The following GPLD1 variants were observed in gnomAD, a reference collection of about 807,000 sequenced individuals.
The protein encoded by GPLD1 is glycosylphosphatidylinositol specific phospholipase D1.
A neutral mutation model predicts 112.6 loss-of-function variants in GPLD1; 84 were observed. That is an observed-to-expected ratio of 0.75 (90% CI 0.63 to 0.89). The LOEUF (loss-of-function observed/expected upper bound fraction) is 0.89. GPLD1 is among the 40% of genes least tolerant of loss of function. The pLI, the probability that GPLD1 is intolerant of heterozygous loss-of-function variation, is 0.00. For synonymous variants in GPLD1, 386 were observed against 403.8 expected (o/e 0.96, Z 0.53); for missense variants, 1,044 against 1,051.5 (o/e 0.99, Z 0.10).
chr6:24,466,567 G>C, intron 10 of GPLD1, 113 bp downstream of exon 10: 1 of 756,770 alleles, frequency 1.3e-6, no homozygotes. Flanking sequence ...AGCACTTCAT[G>C]AGATTGTTTT....
Position 24,436,623 on chromosome 6 carries a change from T to C in GPLD1, c.2311A>G (p.Met771Val), listed in dbSNP as rs376681886. 42 of 1,614,030 alleles carry C rather than the reference T, an allele frequency of 2.6e-5. No individual in the cohort carries two copies. Among genetic ancestry groups the C allele is most frequent in the South Asian group, 1.3e-4 (12 of 91,090 alleles). Reference protein sequence around the residue: ...YNGKETTLGDMTGKCKSWITP... With the variant: ...YNGKETTLGDVTGKCKSWITP... ...ATCCATGATTTGCATTTGCCAGTCA[T>C]GTCACCAAGGGTGGTCTCTTTGCCA... is the stretch of plus-strand genomic sequence containing the variant. The change falls in exon 22 of 25, where the codon ATG becomes GTG. Residue 771 changes from methionine to valine, a missense_variant. Transcript: ENST00000230036.
intron 22 of GPLD1, among the ~76,000 whole-genome samples, chr6:24,435,367 A>G (rs1306812733): frequency 6.6e-6 from 1 of 152,202 alleles, no homozygotes; most frequent in Non-Finnish European, 1.5e-5. Context: ...TATGCATACT[A>G]AATGCACAAT....
At chr6:24,475,718 C>T (rs1316084195) in intron 4 of GPLD1, among the ~76,000 whole-genome samples, 1 of 147,818 alleles carries the variant, frequency 6.8e-6, no homozygotes, top group Non-Finnish European at 1.5e-5. Flanking sequence ...ATTAGCCGGG[C>T]GTGGTGGCGG....
chr6:24,440,899 T>C (rs1254275111), intron 20 of GPLD1, among the ~76,000 whole-genome samples: 1 of 152,178 alleles, frequency 6.6e-6, no homozygotes, highest in Non-Finnish European at 1.5e-5. Flanking sequence ...AGGCTATTTC[T>C]AGCTTTTTAC....
chr6:24,485,961 G>A (rs943994542), intron 2 of GPLD1, 114 bp downstream of exon 2: 11 of 673,994 alleles, frequency 1.6e-5, no homozygotes, highest in Admixed American at 4.7e-5. Flanking sequence ...GAGCCACCAC[G>A]CCCAGCCAAA....
At position 24,427,787 on chromosome 6, in the gene GPLD1, A is replaced by G. The variant is rs1284189934; in HGVS notation, c.*1245T>C. ...CTTGAACCTGGGAGGCGGAGGTTGC[A>G]GTGAGCTGAGATCACATCACTGCAC... On this transcript the variant is annotated 3_prime_UTR_variant, in exon 25 of 25. Transcript: ENST00000230036. Among the ~76,000 whole-genome samples, 1 of 139,000 alleles carries G rather than the reference A, an allele frequency of 7.2e-6. No individual in the cohort carries two copies. The highest frequency in any genetic ancestry group is 8.3e-5 in the Admixed American group (1 of 12,100). The allele number at this position is 139,000 out of a possible 152,430, so 91.2% of individuals were successfully genotyped here.
intron 20 of GPLD1, among the ~76,000 whole-genome samples, chr6:24,439,926 A>T (rs1288717562): frequency 1.3e-5 from 2 of 152,166 alleles, no homozygotes; most frequent in Non-Finnish European, 2.9e-5. Flanking sequence ...TATTGCCTTA[A>T]TTTCTGCCAC....
intron 21 of GPLD1, 95 bp from the exon 22 acceptor site, chr6:24,436,831 A>G (rs1017338216): frequency 3.3e-6 from 4 of 1,227,458 alleles, no homozygotes; most frequent in Non-Finnish European, 4.6e-6. Flanking sequence ...ACCTCTTACA[A>G]ATAATATTAG....
intron 20 of GPLD1, among the ~76,000 whole-genome samples, chr6:24,440,697 C>T (rs1050216821): frequency 6.9e-6 from 1 of 144,194 alleles, no homozygotes; most frequent in Admixed American, 7.1e-5. Flanking sequence ...TGGCCAGCCT[C>T]GGCAACATAG....
chr6:24,461,545 T>G (rs1476167813), intron 11 of GPLD1, among the ~76,000 whole-genome samples: 1 of 152,012 alleles, frequency 6.6e-6, no homozygotes, highest in Non-Finnish European at 1.5e-5. Flanking sequence ...GAGAGCTCTT[T>G]TGTGCCCAGG....
chr6:24,483,055 C>CA (rs1581788181), intron 2 of GPLD1, among the ~76,000 whole-genome samples: 1 of 152,118 alleles, frequency 6.6e-6, no homozygotes, highest in East Asian at 1.9e-4. Context: ...AGGCTGCACG[C>CA]AGCAGCTTAT....
chr6:24,433,483 ACT>A, intron 22 of GPLD1, 94 bp from the exon 23 acceptor site: 3 of 508,938 alleles, frequency 5.9e-6, no homozygotes, highest in African/African-American at 3.0e-5. Context: ...CCTCATTTCT[ACT>A]TTTTTTTTTT....
intron 10 of GPLD1, among the ~76,000 whole-genome samples, chr6:24,464,169 C>CAATACTT (rs1461886565): frequency 6.6e-6 from 1 of 152,118 alleles, no homozygotes; most frequent in African/African-American, 2.4e-5. Context: ...TAATAGTAAC[C>CAATACTT]AATACTTAGT....
At chr6:24,473,885 G>A (rs1763911930) in intron 5 of GPLD1, among the ~76,000 whole-genome samples, 1 of 152,166 alleles carries the variant, frequency 6.6e-6, no homozygotes, top group South Asian at 2.1e-4. Flanking sequence ...AGCACTTTGG[G>A]AGGTTGAGGC....
chr6:24,465,861 G>T (rs564394517), intron 10 of GPLD1, among the ~76,000 whole-genome samples: 1 of 152,346 alleles, frequency 6.6e-6, no homozygotes, highest in East Asian at 1.9e-4. Flanking sequence ...ACGTTGGAGT[G>T]TGTGTCGGGG....
chr6:24,438,321 A>C (rs1345335606), intron 20 of GPLD1, among the ~76,000 whole-genome samples: 1 of 152,232 alleles, frequency 6.6e-6, no homozygotes. Context: ...ATTTCGCTGT[A>C]AACTTTATTA....
At chr6:24,469,947 C>T in intron 7 of GPLD1, among the ~76,000 whole-genome samples, 1 of 151,902 alleles carries the variant, frequency 6.6e-6, no homozygotes, top group Non-Finnish European at 1.5e-5. Flanking sequence ...AAAAGTCAGA[C>T]AAAATAACAA....
intron 15 of GPLD1, 82 bp downstream of exon 15, chr6:24,449,707 G>C: frequency 1.2e-6 from 1 of 867,128 alleles, no homozygotes; most frequent in Non-Finnish European, 1.9e-6. Context: ...TTGCTCCAGG[G>C]GCTCATCCCA....
intron 1 of GPLD1, among the ~76,000 whole-genome samples, chr6:24,486,416 C>T (rs999637342): frequency 6.6e-6 from 1 of 152,170 alleles, no homozygotes; most frequent in African/African-American, 2.4e-5. Context: ...GACCTCAGTT[C>T]CCTCCTATGG....
Sources: gnomAD v4.1 joint callset for allele counts (sites outside exome capture counted in the v4.1 genomes callset) on GRCh38, gnomAD v4.1.1 for gene constraint, MANE v1.5 for transcripts, NCBI Gene and HGNC (gene_info 2026-07-23, HGNC 2026-07-21) for gene names.